The following KSR2 variants were observed in gnomAD, a reference collection of about 807,000 sequenced individuals.
The protein encoded by KSR2 is kinase suppressor of ras 2.
KSR2 carries 25 observed loss-of-function variants against 107.8 expected under a neutral mutation model. The ratio of observed to expected loss-of-function variants is 0.23; its 90% CI spans 0.17 to 0.32. KSR2 has a LOEUF of 0.32. Among genes scored for constraint, KSR2 ranks in the 10% least tolerant of loss-of-function variants. KSR2 has a pLI of 1.00. For synonymous variants in KSR2, 480 were observed against 507.0 expected (o/e 0.95, Z 0.71); for missense variants, 887 against 1,268.9 (o/e 0.70, Z 4.57).
At chr12:117,595,898 G>T (rs1880614750) in intron 5 of KSR2, among the ~76,000 whole-genome samples, 1 of 152,182 alleles carries the variant, frequency 6.6e-6, no homozygotes, top group Non-Finnish European at 1.5e-5. Flanking sequence ...TCAGAAGAGG[G>T]TGTTTGACCA....
At chr12:117,884,399 A>G (rs1367765918) in intron 1 of KSR2, among the ~76,000 whole-genome samples, 1 of 152,242 alleles carries the variant, frequency 6.6e-6, no homozygotes, top group Non-Finnish European at 1.5e-5. Flanking sequence ...GAACCTTTTC[A>G]GCTCTGCATC....
chr12:117,670,535 G>C (rs776033388), intron 4 of KSR2, among the ~76,000 whole-genome samples: 4 of 152,066 alleles, frequency 2.6e-5, no homozygotes, highest in Admixed American at 2.6e-4. Context: ...CACCCACCCC[G>C]AGGCCACTAT....
intron 3 of KSR2, among the ~76,000 whole-genome samples, chr12:117,797,855 T>G (rs1185594580): frequency 6.6e-6 from 1 of 152,016 alleles, no homozygotes; most frequent in Non-Finnish European, 1.5e-5. Context: ...CTCACTATGT[T>G]TCATAGTCTG....
chr12:117,833,576 T>C (rs746063296), intron 3 of KSR2, among the ~76,000 whole-genome samples: 4 of 152,168 alleles, frequency 2.6e-5, no homozygotes, highest in Non-Finnish European at 5.9e-5. Flanking sequence ...TTGCCCAGGC[T>C]AGTCTTGAAC....
intron 10 of KSR2, among the ~76,000 whole-genome samples, chr12:117,538,222 A>G (rs1003001036): frequency 3.3e-5 from 5 of 152,228 alleles, no homozygotes; most frequent in African/African-American, 4.8e-5. Context: ...TACTAAGACG[A>G]TTCAGCTGGT....
At chr12:117,668,845 C>T (rs1220538748) in intron 4 of KSR2, among the ~76,000 whole-genome samples, 1 of 152,204 alleles carries the variant, frequency 6.6e-6, no homozygotes, top group Admixed American at 6.5e-5. Context: ...GGGGACTCTT[C>T]AAGACCCAGG....
intron 7 of KSR2, among the ~76,000 whole-genome samples, chr12:117,560,513 A>G (rs1232867283): frequency 1.3e-5 from 2 of 152,206 alleles, no homozygotes; most frequent in African/African-American, 4.8e-5. Context: ...TGATGGCACC[A>G]GAGAGGTCTC....
At position 117,453,028 on chromosome 12, in the gene KSR2, C is replaced by T. The variant is rs568976295; in HGVS notation, c.*14171G>A. 3 of 152,696 alleles carry T rather than the reference C, an allele frequency of 2.0e-5. No individual in the cohort carries two copies. In the East Asian group the frequency reaches 5.8e-4, roughly 29 times the overall value. 9.5% of individuals were successfully genotyped at this position (152,696 alleles called of 1,614,324 possible). ...ACAACAGACAACAATAGAATTCAGA[C>T]CTGTCTTGGCAGTAGTGCAATGCAG... is the stretch of plus-strand genomic sequence containing the variant. On this transcript the variant is annotated 3_prime_UTR_variant, in exon 20 of 20. Transcript: ENST00000339824.
At position 117,596,706 on chromosome 12, in the gene KSR2, A is replaced by T. The variant is rs759080885; in HGVS notation, c.1172-14347T>A. Among the ~76,000 whole-genome samples the T allele has an allele frequency of 1.6e-4, 25 of 152,336 alleles. No individual in the cohort carries two copies. In the South Asian group the frequency reaches 1.7e-3, roughly 10 times the overall value. On this transcript the variant is annotated intron_variant, in intron 5 of 19. Transcript: ENST00000339824. ...TTCTAATGTGGCAATTTAAAAATAG[A>T]CAATGCCCCACTGGGTTTATGAATC... is the stretch of plus-strand genomic sequence containing the variant.
chr12:117,604,010 G>A (rs1881095061), intron 5 of KSR2, among the ~76,000 whole-genome samples: 1 of 152,214 alleles, frequency 6.6e-6, no homozygotes, highest in Admixed American at 6.5e-5. Flanking sequence ...CTGGTCTATG[G>A]AGAATGCACA....
chr12:117,820,166 G>T (rs1025072750), intron 3 of KSR2, among the ~76,000 whole-genome samples: 2 of 152,084 alleles, frequency 1.3e-5, no homozygotes, highest in Non-Finnish European at 2.9e-5. Flanking sequence ...GACAGCTAAG[G>T]GTTCCCCCCT....
chr12:117,617,236 T>C (rs1469558897), intron 5 of KSR2, among the ~76,000 whole-genome samples: 1 of 152,206 alleles, frequency 6.6e-6, no homozygotes, highest in Non-Finnish European at 1.5e-5. Flanking sequence ...CTTTTCAGTA[T>C]TTTCCATCTT....
At chr12:117,825,399 C>T (rs898178396) in intron 3 of KSR2, among the ~76,000 whole-genome samples, 6 of 151,928 alleles carry the variant, frequency 3.9e-5, no homozygotes, top group Non-Finnish European at 8.8e-5. Flanking sequence ...GTGCATGGGT[C>T]GGGGCATAAA....
chr12:117,950,921 A>T (rs1896345676), intron 1 of KSR2, among the ~76,000 whole-genome samples: 1 of 151,426 alleles, frequency 6.6e-6, no homozygotes, highest in African/African-American at 2.4e-5. Context: ...TTATTTATTT[A>T]TTTATTTTTT....
intron 5 of KSR2, among the ~76,000 whole-genome samples, chr12:117,663,672 C>T (rs1884530984): frequency 6.6e-6 from 1 of 152,192 alleles, no homozygotes; most frequent in African/African-American, 2.4e-5. Flanking sequence ...GACTTAACAG[C>T]ATCCAGTTAG....
chr12:117,886,755 C>T (rs184477616), intron 1 of KSR2, among the ~76,000 whole-genome samples: 6 of 152,030 alleles, frequency 3.9e-5, no homozygotes, highest in Non-Finnish European at 7.4e-5. Flanking sequence ...GACATCTATA[C>T]ATAACAATAT....
At chr12:117,765,863 C>T (rs1566002855) in intron 3 of KSR2, among the ~76,000 whole-genome samples, 1 of 152,080 alleles carries the variant, frequency 6.6e-6, no homozygotes, top group Non-Finnish European at 1.5e-5. Context: ...TCAGACAGAG[C>T]CTGAGCCATT....
chr12:117,791,461 A>G (rs1890248797), intron 3 of KSR2, among the ~76,000 whole-genome samples: 1 of 152,232 alleles, frequency 6.6e-6, no homozygotes, highest in Non-Finnish European at 1.5e-5. Context: ...TATCTTGTTT[A>G]TTGCCTAGAA....
chr12:117,486,513 C>T (rs1872472576), intron 14 of KSR2, among the ~76,000 whole-genome samples: 1 of 152,128 alleles, frequency 6.6e-6, no homozygotes, highest in Non-Finnish European at 1.5e-5. Context: ...CAATGTGGGC[C>T]AAAAGAAGAA....
Sources: allele counts gnomAD v4.1 joint callset (sites outside exome capture counted in the v4.1 genomes callset), GRCh38; gene constraint gnomAD v4.1.1; transcripts MANE v1.5; gene names NCBI Gene and HGNC (gene_info 2026-07-23, HGNC 2026-07-21).